KIF21A: variants seen among roughly 807,000 people sequenced by gnomAD.
KIF21A encodes the protein kinesin-like protein KIF21A.
KIF21A carries 114 observed loss-of-function variants against 202.9 expected under a neutral mutation model. That is an observed-to-expected ratio of 0.56 (90% CI 0.48 to 0.66). The LOEUF (loss-of-function observed/expected upper bound fraction) is 0.66. Among genes scored for constraint, KIF21A ranks in the 30% least tolerant of loss-of-function variants. The pLI is 0.00. For missense variants in KIF21A, 1,677 were observed against 1,994.9 expected, an observed-to-expected ratio of 0.84 and a Z score of 3.04; for synonymous variants, 667 against 670.8, an observed-to-expected ratio of 0.99 and a Z score of 0.09.
chr12:39,426,898 A>AG (rs1479570612), intron 1 of KIF21A, among the ~76,000 whole-genome samples: 1 of 148,656 alleles, frequency 6.7e-6, no homozygotes, highest in Non-Finnish European at 1.5e-5. Context: ...AAAAAAAAAA[A>AG]GAAAAGAAAG....
chr12:39,306,522 G>C (rs911027668), intron 34 of KIF21A, among the ~76,000 whole-genome samples: 1 of 151,988 alleles, frequency 6.6e-6, no homozygotes, highest in Non-Finnish European at 1.5e-5. Flanking sequence ...TATTTTGCCA[G>C]TCATACTTTA....
intron 1 of KIF21A, among the ~76,000 whole-genome samples, chr12:39,399,847 T>G (rs145740097): frequency 5.3e-5 from 8 of 152,332 alleles, no homozygotes; most frequent in Non-Finnish European, 1.0e-4. Flanking sequence ...TGACAACCAG[T>G]AGCAGAAAGC....
chr12:39,353,006 A>G (rs1255131161), intron 10 of KIF21A, among the ~76,000 whole-genome samples: 1 of 150,946 alleles, frequency 6.6e-6, no homozygotes, highest in Non-Finnish European at 1.5e-5. Flanking sequence ...TTGGCACAAC[A>G]GTGATTGAGA....
chr12:39,407,629 A>G (rs777615690), intron 1 of KIF21A, among the ~76,000 whole-genome samples: 9 of 152,150 alleles, frequency 5.9e-5, no homozygotes, highest in Non-Finnish European at 1.3e-4. Flanking sequence ...AGATAAAACC[A>G]AGGCTTCTAG....
rs1387332677 is a variant in KIF21A, at chr12:39,436,448, A to ATATAT, written c.44+6478_44+6479insATATA. Among the ~76,000 whole-genome samples the ATATAT allele has an allele frequency of 2.7e-4, 26 of 95,762 alleles. 1 individual carries two copies. Among genetic ancestry groups the ATATAT allele is most frequent in the Admixed American group, 8.3e-4 (8 of 9,674 alleles). 62.8% of individuals were successfully genotyped at this position (95,762 alleles called of 152,430 possible). A position where few individuals can be genotyped will look rare whatever the true frequency, so the allele number is the denominator to read the frequency against. On this transcript the variant is annotated intron_variant, in intron 1 of 37. Coordinates refer to ENST00000361418, the MANE Select transcript of KIF21A (RefSeq NM_001173464.2). ...TATATATATATATATATATATATATATTTTTTTTTTTTTTAGACAGGGTTT... is the reference window on the plus strand; with the variant it reads ...TATATATATATATATATATATATATATATATTTTTTTTTTTTTTTAGACAGGGTTT...
intron 6 of KIF21A, among the ~76,000 whole-genome samples, chr12:39,365,392 G>C (rs1294654031): frequency 6.6e-6 from 1 of 152,180 alleles, no homozygotes; most frequent in African/African-American, 2.4e-5. Flanking sequence ...CAGAAATTTA[G>C]GGATGTCATT....
At chr12:39,428,784 C>G (rs541978244) in intron 1 of KIF21A, among the ~76,000 whole-genome samples, 1 of 151,920 alleles carries the variant, frequency 6.6e-6, no homozygotes, top group African/African-American at 2.4e-5. Context: ...ATGGTGAAAC[C>G]CTGGCTCTAC....
intron 1 of KIF21A, among the ~76,000 whole-genome samples, chr12:39,403,284 T>A (rs190889134): frequency 2.6e-4 from 39 of 152,308 alleles, no homozygotes. Flanking sequence ...GAACTCACAG[T>A]CTACAGTTTG....
intron 24 of KIF21A, among the ~76,000 whole-genome samples, chr12:39,326,841 G>C (rs1328077839): frequency 1.3e-5 from 2 of 152,034 alleles, no homozygotes; most frequent in Non-Finnish European, 2.9e-5. Flanking sequence ...GTGTGCATGA[G>C]GGTGTTCAGA....
chr12:39,363,023 T>C (rs1949347768), intron 7 of KIF21A, 75 bp downstream of exon 7: 1 of 982,012 alleles, frequency 1.0e-6, no homozygotes, highest in African/African-American at 1.6e-5. Flanking sequence ...AAAGTAGTTC[T>C]TATAAATCAT....
chr12:39,301,548 C>G lies in KIF21A; in HGVS notation c.4863G>C (p.Glu1621Asp), dbSNP rs1942965110. The change falls in exon 37 of 38, where the codon GAG becomes GAC. Residue 1621 changes from glutamate (E) to aspartate (D), a missense_variant. Around this residue, in one of 3 missense-constraint regions of KIF21A, gnomAD observed 705 missense variants for 791.9 expected, o/e 0.89. Coordinates refer to ENST00000361418, the MANE Select transcript of KIF21A (RefSeq NM_001173464.2). ...TGATAGGACTATCATGACCCTTCAT[C>G]TCTCCCACTGGCATAAAAGTATCCA... is the stretch of plus-strand genomic sequence containing the variant. ...WNMDTFMPVG[E>D]MKGHDSPINA... 3 of 1,614,104 alleles carry G rather than the reference C, an allele frequency of 1.9e-6. No homozygotes were observed. Among genetic ancestry groups the G allele is most frequent in the Non-Finnish European group, 2.5e-6 (3 of 1,179,988 alleles).
intron 1 of KIF21A, among the ~76,000 whole-genome samples, chr12:39,428,047 G>T (rs1286898357): frequency 1.3e-5 from 2 of 152,184 alleles, no homozygotes; most frequent in African/African-American, 4.8e-5. Context: ...CCTCTGCTGT[G>T]CAGTATGGGT....
At chr12:39,356,583 T>C (rs1210329959) in intron 10 of KIF21A, 2 of 328,420 alleles carry the variant, frequency 6.1e-6, no homozygotes, top group Non-Finnish European at 1.1e-5. Context: ...TCAAGTTAGG[T>C]AAGCACCCAA....
chr12:39,390,044 G>GT (rs1390320860), intron 1 of KIF21A, among the ~76,000 whole-genome samples: 1 of 152,068 alleles, frequency 6.6e-6, no homozygotes, highest in Non-Finnish European at 1.5e-5. Flanking sequence ...ACCAAATTGT[G>GT]TTTTAGGGAC....
chr12:39,366,593 T>G, intron 5 of KIF21A, 76 bp from the exon 6 acceptor site: 1 of 1,079,354 alleles, frequency 9.3e-7, no homozygotes, highest in Non-Finnish European at 1.4e-6. Flanking sequence ...CTTGCGCTTA[T>G]CCCATGTACA....
Position 39,359,939 on chromosome 12 carries a change from G to A in KIF21A, c.1020-1566C>T, listed in dbSNP as rs182512178. Among the ~76,000 whole-genome samples the A allele has an allele frequency of 3.3e-4, 50 of 152,252 alleles. 1 individual carries two copies. The highest frequency in any genetic ancestry group is 8.5e-4 in the Admixed American group (13 of 15,276). On this transcript the variant is annotated intron_variant, in intron 7 of 37. Transcript: ENST00000361418. The stretch of plus-strand genomic sequence containing the variant: ...ATCAGTTCAAGTGTTTTCAAACTCC[G>A]ATGGTGAGTCACAAATGGGGCAAGC...
intron 12 of KIF21A, among the ~76,000 whole-genome samples, chr12:39,345,002 A>G (rs1441486981): frequency 1.3e-5 from 2 of 152,180 alleles, no homozygotes; most frequent in South Asian, 4.1e-4. Flanking sequence ...CAGCTCACAG[A>G]CTGGAAGCAT....
At chr12:39,366,046 G>C (rs1175709189) in intron 6 of KIF21A, among the ~76,000 whole-genome samples, 1 of 152,056 alleles carries the variant, frequency 6.6e-6, no homozygotes, top group Non-Finnish European at 1.5e-5. Context: ...AGTTGATTTT[G>C]ACAGTATATT....
intron 24 of KIF21A, among the ~76,000 whole-genome samples, chr12:39,327,135 A>G (rs1445371433): frequency 6.6e-6 from 1 of 152,208 alleles, no homozygotes; most frequent in Non-Finnish European, 1.5e-5. Context: ...ATAAATCTAA[A>G]GACAAAATTA....
Sources: gnomAD v4.1 joint callset for allele counts (sites outside exome capture counted in the v4.1 genomes callset) on GRCh38, gnomAD v4.1.1 for gene constraint, gnomAD v4.1.1 regional missense constraint, MANE v1.5 for transcripts, NCBI Gene and HGNC (gene_info 2026-07-23, HGNC 2026-07-21) for gene names.